Variants in PLEKHA6 observed in about 807,000 individuals in gnomAD.
PLEKHA6 encodes the protein pleckstrin homology domain-containing family A member 6.
Under a neutral mutation model 116.7 loss-of-function variants are expected in PLEKHA6, and 60 were observed. The ratio of observed to expected loss-of-function variants is 0.51; its 90% CI spans 0.42 to 0.64. PLEKHA6 has a LOEUF of 0.64. Ranked by LOEUF, PLEKHA6 falls within the 30% of genes least tolerant of loss-of-function variation. The pLI, the probability that PLEKHA6 is intolerant of heterozygous loss-of-function variation, is 0.00. For synonymous variants in PLEKHA6, 489 were observed against 556.1 expected (o/e 0.88, Z 1.70); for missense variants, 1,338 against 1,422.7 (o/e 0.94, Z 0.96).
rs753263078 is a variant in PLEKHA6 at position 204,229,050 on chromosome 1, G to A, written c.2638C>T (p.Leu880=). The change falls in exon 19 of 23, where the codon CTG becomes TTG. Residue 880 remains leucine (L), a synonymous_variant. Coordinates refer to ENST00000272203, the MANE Select transcript of PLEKHA6 (RefSeq NM_014935.5). ...EVDISNLEAA[L]RAEEPGGHAY... ...TGCCCGCCAGGCTCCTCTGCCCGCA[G>A]GGCTGCCTCCAGGTTGGAGATGTCT... 6.2e-7 allele frequency: 1 copy of A among 1,614,018 alleles called. No individual in the cohort carries two copies. Among genetic ancestry groups the A allele is most frequent in the Non-Finnish European group, 8.5e-7 (1 of 1,180,038 alleles).
At chr1:204,317,849 C>A (rs187778459) in intron 1 of PLEKHA6, among the ~76,000 whole-genome samples, 6 of 152,304 alleles carry the variant, frequency 3.9e-5, no homozygotes, top group Admixed American at 2.0e-4. Flanking sequence ...CTGACTCAGC[C>A]ACTTAATCTT....
intron 9 of PLEKHA6, among the ~76,000 whole-genome samples, chr1:204,253,850 AC>A (rs1367704219): frequency 7.1e-4 from 104 of 146,080 alleles, no homozygotes; most frequent in East Asian, 5.0e-3. Flanking sequence ...AAAAAAAAAA[AC>A]AAAAACAAAA....
Position 204,280,976 on chromosome 1 carries a change from CA to C in PLEKHA6, c.-94-6168del, listed in dbSNP as rs1262423796. On this transcript the variant is annotated intron_variant, in intron 1 of 22. Coordinates refer to ENST00000272203, the MANE Select transcript of PLEKHA6 (RefSeq NM_014935.5). The stretch of plus-strand genomic sequence containing the variant: ...ACATAAAGAAGAGGTCAAAGAGGGT[CA>C]GGCCCTGGCAGCACTTCTAGGTATT... 2.1e-5 allele frequency: 21 copies of C among 982,616 alleles called. No homozygotes were observed. The African/African-American group carries it at 3.5e-4, about 16-fold the overall frequency. 60.9% of individuals were successfully genotyped at this position (982,616 alleles called of 1,614,324 possible).
intron 1 of PLEKHA6, among the ~76,000 whole-genome samples, chr1:204,350,486 A>G (rs1467770930): frequency 1.3e-5 from 2 of 152,164 alleles, no homozygotes; most frequent in Non-Finnish European, 2.9e-5. Context: ...TCCCCTCCGC[A>G]GGGCTGGGCT....
intron 1 of PLEKHA6, among the ~76,000 whole-genome samples, chr1:204,298,488 G>C (rs1199228726): frequency 1.3e-5 from 2 of 152,168 alleles, no homozygotes; most frequent in South Asian, 4.1e-4. Flanking sequence ...TCTGCACATG[G>C]AGAATGGCAA....
intron 16 of PLEKHA6, 81 bp from the exon 17 acceptor site, chr1:204,241,562 C>T (rs1662823602): frequency 7.2e-7 from 1 of 1,392,718 alleles, no homozygotes; most frequent in Non-Finnish European, 9.7e-7. Flanking sequence ...AATCTCAGCC[C>T]CACTCTCCAC....
At chr1:204,320,538 C>A in intron 1 of PLEKHA6, 3 of 950,264 alleles carry the variant, frequency 3.2e-6, no homozygotes, top group Non-Finnish European at 3.8e-6. Flanking sequence ...AACTTAGCAA[C>A]TTGGCTTCTC....
intron 7 of PLEKHA6, among the ~76,000 whole-genome samples, chr1:204,260,654 C>T (rs569599577): frequency 1.4e-4 from 21 of 152,172 alleles, no homozygotes; most frequent in Non-Finnish European, 2.6e-4. Flanking sequence ...GATATGTGGA[C>T]TTGGAGCCTA....
intron 1 of PLEKHA6, among the ~76,000 whole-genome samples, chr1:204,284,190 A>G (rs1335494457): frequency 6.6e-6 from 1 of 152,200 alleles, no homozygotes; most frequent in African/African-American, 2.4e-5. Flanking sequence ...CCCTGGGAAG[A>G]GGAAAGCAGT....
At chr1:204,365,608 C>T (rs972354009) in intron 3 of PLEKHA6, among the ~76,000 whole-genome samples, 2 of 152,214 alleles carry the variant, frequency 1.3e-5, no homozygotes, top group Admixed American at 1.3e-4. Context: ...CAGAAGAAAG[C>T]TCTGGGCTGG....
At chr1:204,338,835 C>T (rs1672746863) in intron 1 of PLEKHA6, among the ~76,000 whole-genome samples, 1 of 152,184 alleles carries the variant, frequency 6.6e-6, no homozygotes, top group South Asian at 2.1e-4. Context: ...CTAAGGCAGA[C>T]CCCGGTAGGA....
In PLEKHA6 at chr1:204,230,489, A is replaced by G. The variant is rs1430093308; in HGVS notation, c.2507T>C (p.Met836Thr). The G allele has an allele frequency of 5.7e-6, 9 of 1,585,030 alleles. No individual in the cohort carries two copies. In the East Asian group the frequency reaches 9.1e-5, roughly 16 times the overall value. The part of the protein sequence containing the change: ...DRMRRHQSGS[M>T]REKRRSLQLP... ...CTGCAGGCTCCTCCGCTTCTCCCTC[A>G]TGGAGCCACTCTGGTGCCGCCGCAT... The change falls in exon 18 of 23, where the codon ATG (methionine) becomes ACG (threonine). Residue 836 changes from methionine to threonine, a missense_variant. By Grantham distance (81) the Met-to-Thr change is moderately conservative (BLOSUM62 -1). This residue lies in a region of PLEKHA6 where 1,136 missense variants were observed against 1,163.6 expected (regional missense o/e 0.98). Coordinates refer to ENST00000272203, the MANE Select transcript of PLEKHA6 (RefSeq NM_014935.5).
intron 3 of PLEKHA6, among the ~76,000 whole-genome samples, chr1:204,365,711 T>G (rs1398154): frequency 0.031 from 4,691 of 152,324 alleles, 257 homozygotes; most frequent in African/African-American, 0.11. Context: ...ATTGCTATCA[T>G]GCACCAGAAA....
intron 13 of PLEKHA6, among the ~76,000 whole-genome samples, chr1:204,247,118 C>T (rs1031842283): frequency 6.6e-6 from 1 of 152,134 alleles, no homozygotes; most frequent in African/African-American, 2.4e-5. Context: ...ACCTGGGCAA[C>T]AGAGCAAGAC....
intron 17 of PLEKHA6, among the ~76,000 whole-genome samples, chr1:204,234,527 C>T (rs2102477038): frequency 6.6e-6 from 1 of 152,266 alleles, no homozygotes; most frequent in Non-Finnish European, 1.5e-5. Flanking sequence ...CATCAACGCA[C>T]ATTATGATAA....
chr1:204,298,634 C>T (rs1301163698), intron 1 of PLEKHA6, among the ~76,000 whole-genome samples: 2 of 152,134 alleles, frequency 1.3e-5, no homozygotes, highest in Non-Finnish European at 2.9e-5. Flanking sequence ...GCCAGACTCC[C>T]CTAGGCTTGG....
intron 17 of PLEKHA6, 124 bp downstream of exon 17, chr1:204,241,251 C>T (rs978675609): frequency 9.3e-6 from 6 of 645,780 alleles, no homozygotes; most frequent in Non-Finnish European, 1.6e-5. Flanking sequence ...CCTCCTCTCA[C>T]GTGTTCCACC....
At chr1:204,302,550 G>A (rs1670915965) in intron 1 of PLEKHA6, among the ~76,000 whole-genome samples, 1 of 152,160 alleles carries the variant, frequency 6.6e-6, no homozygotes. Flanking sequence ...CTTGGGGAAA[G>A]CCACCACTGG....
rs115005541 is a variant in PLEKHA6, at chr1:204,262,630, G to A, written c.382-1182C>T. Among the ~76,000 whole-genome samples, 343 of 152,190 alleles carry A rather than the reference G, an allele frequency of 2.3e-3. 1 individual carries two copies. The highest frequency in any genetic ancestry group is 6.8e-3 in the Middle Eastern group (2 of 294). ...CTTCAGGGCTCCCCTGAACAGCAAC[G>A]TCAAGCCCACACCCTCTAAATGCTC... On this transcript the variant is annotated intron_variant, in intron 6 of 22. Transcript: ENST00000272203.
Sources: gnomAD v4.1 joint callset for allele counts (sites outside exome capture counted in the v4.1 genomes callset) on GRCh38, gnomAD v4.1.1 for gene constraint, gnomAD v4.1.1 regional missense constraint, MANE v1.5 for transcripts, NCBI Gene and HGNC (gene_info 2026-07-23, HGNC 2026-07-21) for gene names.